The following USH1C variants were observed in gnomAD, a reference collection of about 807,000 sequenced individuals.
USH1C encodes USH1 protein network component harmonin.
USH1C carries 90 observed loss-of-function variants against 119.3 expected under a neutral mutation model. The ratio of observed to expected loss-of-function variants is 0.75; its 90% CI spans 0.64 to 0.90. The LOEUF (loss-of-function observed/expected upper bound fraction) is 0.90. Among genes scored for constraint, USH1C ranks in the 40% least tolerant of loss-of-function variants. The pLI, the probability that USH1C is intolerant of heterozygous loss-of-function variation, is 0.00. For missense variants in USH1C, 1,165 were observed against 1,167.7 expected (o/e 1.00, Z 0.03); for synonymous variants, 465 against 443.3 (o/e 1.05, Z -0.62).
chr11:17,505,071 T>C (rs1269492845), intron 19 of USH1C, among the ~76,000 whole-genome samples: 1 of 152,262 alleles, frequency 6.6e-6, no homozygotes, highest in African/African-American at 2.4e-5. Flanking sequence ...CATGACTGTC[T>C]TCTCACTGTG....
chr11:17,505,431 A>T (rs1849611559), intron 19 of USH1C, among the ~76,000 whole-genome samples: 1 of 152,238 alleles, frequency 6.6e-6, no homozygotes, highest in Non-Finnish European at 1.5e-5. Flanking sequence ...TGCCTGGGGA[A>T]CCTGGTGCCC....
rs748443136 is a variant in USH1C at position 17,531,464 on chromosome 11, G to A, written c.183C>T (p.Ala61=). ...NEPSRLPLFD[A]IRPLIPLKHQ... Reference sequence around the variant, plus strand: ...GCTTCAGTGGGATCAGCGGCCGAATGGCATCAAACAGAGGCAGACGGCTGG... The same window carrying A: ...GCTTCAGTGGGATCAGCGGCCGAATAGCATCAAACAGAGGCAGACGGCTGG... Residue 61 remains alanine (A), a synonymous_variant, in exon 3 of 27, where the codon GCC becomes GCT. Transcript: ENST00000005226. The surrounding 1 kb of genome is among the most constrained non-coding windows in gnomAD (Gnocchi z 4.2). 2 of 1,614,110 alleles carry A rather than the reference G, an allele frequency of 1.2e-6. No individual in the cohort carries two copies. Among genetic ancestry groups the A allele is most frequent in the Admixed American group, 3.3e-5 (2 of 60,024 alleles).
intron 4 of USH1C, 50 bp from the exon 5 acceptor site, chr11:17,527,381 A>C: frequency 7.0e-7 from 1 of 1,429,410 alleles, no homozygotes; most frequent in Non-Finnish European, 9.8e-7. Context: ...AGCATCAGGC[A>C]GTGGGGCAGA....
intron 9 of USH1C, 63 bp downstream of exon 9, chr11:17,524,388 C>A (rs991678423): frequency 6.6e-7 from 1 of 1,521,564 alleles, no homozygotes; most frequent in South Asian, 1.2e-5. Flanking sequence ...CCTGTCACCG[C>A]GGGATCACAG....
chr11:17,539,833 CTTTTTTTTT>C (rs34881002), intron 1 of USH1C, among the ~76,000 whole-genome samples: 1 of 126,202 alleles, frequency 7.9e-6, no homozygotes, highest in Non-Finnish European at 1.6e-5. Context: ...CTTTCTTTTT[CTTTTTTTTT>C]TTTTTTTTGA....
In USH1C at chr11:17,509,825, G is replaced by T. The variant is rs1849807398; in HGVS notation, c.1544C>A (p.Pro515His). 1 of 1,596,038 alleles carries T rather than the reference G, an allele frequency of 6.3e-7. No homozygotes were observed. The stretch of plus-strand genomic sequence containing the variant: ...AGACACAGAAGGCGGGGGAGGCGGG[G>T]GCCCTGTGGTCATCTGGGGGTGTTG... Reference protein sequence around the residue: ...DNEISEMTTGPPPPPPSVSPL... With the variant: ...DNEISEMTTGHPPPPPSVSPL... The change falls in exon 18 of 27, where the codon CCC (proline) becomes CAC (histidine). Residue 515 changes from proline to histidine, a missense_variant. Physicochemically the swap from Pro to His is moderately conservative, Grantham distance 77. Transcript: ENST00000005226.
rs371621268 is a variant in USH1C at position 17,544,332 on chromosome 11, G to T, written c.-25C>A. ...TGGCTGGGCCAGGTCCAGCTGCGTC[G>T]TTGCACGACCCGTTCCTTCGGGTGC... On this transcript the variant is annotated 5_prime_UTR_variant, in exon 1 of 27. Coordinates refer to ENST00000005226, the MANE Select transcript of USH1C (RefSeq NM_153676.4). 6.8e-6 allele frequency: 11 copies of T among 1,613,766 alleles called. No homozygotes were observed. In the Admixed American group the frequency reaches 8.3e-5, roughly 12 times the overall value.
intron 2 of USH1C, 146 bp downstream of exon 2, chr11:17,533,109 A>G: frequency 1.3e-6 from 1 of 749,154 alleles, no homozygotes. Flanking sequence ...TAGTTGCTGA[A>G]ATGAGTGAAT....
Position 17,531,350 on chromosome 11 carries a change from A to C in USH1C, c.248+49T>G. The C allele has an allele frequency of 6.2e-7, 1 of 1,613,926 alleles. No homozygotes were observed. The highest frequency in any genetic ancestry group is 8.5e-7 in the Non-Finnish European group (1 of 1,179,912). Reference sequence around the variant, plus strand: ...CTTGGCTGCCAGCACTGCCCCGCCCAGGGTGATCTCTCCACCCCCTGCCTC... The same window carrying C: ...CTTGGCTGCCAGCACTGCCCCGCCCCGGGTGATCTCTCCACCCCCTGCCTC... On this transcript the variant is annotated intron_variant, in intron 3 of 26. Coordinates refer to ENST00000005226, the MANE Select transcript of USH1C (RefSeq NM_153676.4). This position sits in a 1 kb window ranked among gnomAD's most constrained non-coding sequence, Gnocchi z 4.2.
chr11:17,540,828 T>C (rs1851435011), intron 1 of USH1C, among the ~76,000 whole-genome samples: 1 of 152,180 alleles, frequency 6.6e-6, no homozygotes, highest in Admixed American at 6.5e-5. Context: ...CCTTCTACTC[T>C]TGGGCCCCTC....
chr11:17,502,325 T>C (rs1416570636), intron 20 of USH1C, among the ~76,000 whole-genome samples: 1 of 152,164 alleles, frequency 6.6e-6, no homozygotes, highest in East Asian at 1.9e-4. Flanking sequence ...CCTCAAGTCC[T>C]TTAGGCCCCA....
At position 17,498,216 on chromosome 11, in the gene USH1C, G is replaced by A. The variant is rs779914854; in HGVS notation, c.2436C>T (p.Asp812=). 5 of 1,614,074 alleles carry A rather than the reference G, an allele frequency of 3.1e-6. No homozygotes were observed. In the East Asian group the frequency reaches 1.1e-4, roughly 36 times the overall value. ...CAGCCTCAGCCTCAGCCAGGGTGTA[G>A]TCTGTCACAATCTTGCCGTTGATTG... The part of the protein sequence containing the change: ...IMAINGKIVT[D]YTLAEAEAAL... Residue 812 remains aspartate, a synonymous_variant, in exon 24 of 27, where the codon GAC becomes GAT. Coordinates refer to ENST00000005226, the MANE Select transcript of USH1C (RefSeq NM_153676.4).
At chr11:17,501,259 G>A (rs1047472885) in intron 22 of USH1C, 109 bp from the exon 23 acceptor site, 5 of 1,105,884 alleles carry the variant, frequency 4.5e-6, no homozygotes, top group African/African-American at 1.5e-5. Flanking sequence ...AAGAAGCCAT[G>A]GGGTCACCGG....
intron 23 of USH1C, among the ~76,000 whole-genome samples, chr11:17,499,098 C>A (rs1849345846): frequency 6.6e-6 from 1 of 152,232 alleles, no homozygotes; most frequent in South Asian, 2.1e-4. Context: ...AATGTGCTAA[C>A]ATGCACTGCA....
chr11:17,531,425 A>C lies in USH1C; in HGVS notation c.222T>G (p.Tyr74Ter). The change falls in exon 3 of 27, where the codon TAT (tyrosine) becomes TAG (stop). Residue 74 changes from tyrosine to a stop codon, truncating the protein, a stop_gained. Transcript: ENST00000005226. LOFTEE classifies it high-confidence loss of function. The surrounding 1 kb of genome is among the most constrained non-coding windows in gnomAD (Gnocchi z 4.2). ...PLIPLKHQVEYDQLTPRRSRK... is the reference protein window; with the variant it reads ...PLIPLKHQVE The stretch of plus-strand genomic sequence containing the variant: ...TGGAGCGCCGGGGGGTCAGCTGATC[A>C]TATTCCACCTGGTGCTTCAGTGGGA... The C allele has an allele frequency of 6.2e-7, 1 of 1,614,120 alleles. No homozygotes were observed. The highest frequency in any genetic ancestry group is 8.5e-7 in the Non-Finnish European group (1 of 1,180,004).
chr11:17,504,928 G>A (rs765289108), intron 19 of USH1C, among the ~76,000 whole-genome samples: 13 of 152,204 alleles, frequency 8.5e-5, no homozygotes, highest in Non-Finnish European at 1.6e-4. Flanking sequence ...GGATGCATCC[G>A]CAGGCTGTCC....
chr11:17,513,620 T>G (rs1303599444), intron 15 of USH1C, among the ~76,000 whole-genome samples: 2 of 152,154 alleles, frequency 1.3e-5, no homozygotes, highest in African/African-American at 4.8e-5. Flanking sequence ...TGGTTCTCAC[T>G]GCTTCAGAGT....
Position 17,511,917 on chromosome 11 carries a change from G to A in USH1C, c.1398C>T (p.Asn466=). ...MLEKEKQLKI[N]RLAQEVSETE... Reference sequence around the variant, plus strand: ...GGACACATACCTCCTGGGCCAGCCGGTTGATCTTTAGCTGCTTTTCCTTCT... The same window carrying A: ...GGACACATACCTCCTGGGCCAGCCGATTGATCTTTAGCTGCTTTTCCTTCT... The change falls in exon 16 of 27, where the codon AAC becomes AAT. Residue 466 remains asparagine, a synonymous_variant. Coordinates refer to ENST00000005226, the MANE Select transcript of USH1C (RefSeq NM_153676.4). 1 of 1,613,826 alleles carries A rather than the reference G, an allele frequency of 6.2e-7. No homozygotes were observed. The highest frequency in any genetic ancestry group is 8.5e-7 in the Non-Finnish European group (1 of 1,179,924).
chr11:17,523,367 A>C, intron 10 of USH1C, 52 bp downstream of exon 10: 1 of 1,613,610 alleles, frequency 6.2e-7, no homozygotes, highest in South Asian at 1.1e-5. Context: ...GGGGATGAGA[A>C]GTGGGGTGTG....
Sources: gnomAD v4.1 joint callset for allele counts (sites outside exome capture counted in the v4.1 genomes callset) on GRCh38, gnomAD v4.1.1 for gene constraint, Gnocchi (gnomAD v3.1) non-coding constraint, MANE v1.5 for transcripts, NCBI Gene and HGNC (gene_info 2026-07-23, HGNC 2026-07-21) for gene names.